Variants in RERE observed in about 807,000 individuals in gnomAD.
RERE encodes the protein arginine-glutamic acid dipeptide repeats protein.
In RERE, 40 loss-of-function variants were observed where a neutral mutation model predicts 146.1. The ratio of observed to expected loss-of-function variants is 0.27; its 90% CI spans 0.21 to 0.36. The LOEUF is 0.36. Among genes scored for constraint, RERE ranks in the 10% least tolerant of loss-of-function variants. RERE has a pLI of 1.00. For synonymous variants in RERE, 1,003 were observed against 866.0 expected (o/e 1.16, Z -2.78); for missense variants, 1,933 against 2,138.7 (o/e 0.90, Z 1.90).
At chr1:8,738,592 C>G (rs1416683823) in intron 1 of RERE, among the ~76,000 whole-genome samples, 1 of 152,132 alleles carries the variant, frequency 6.6e-6, no homozygotes, top group African/African-American at 2.4e-5. Context: ...ATCCTCTATC[C>G]CTGACACCCA....
chr1:8,503,266 TTAGTTGC>T (rs1645205960), intron 8 of RERE, among the ~76,000 whole-genome samples: 1 of 152,110 alleles, frequency 6.6e-6, no homozygotes, highest in South Asian at 2.1e-4. Flanking sequence ...AGCACTCATA[TTAGTTGC>T]TAGTGTCAAC....
chr1:8,441,376 C>T (rs1057364096), intron 11 of RERE, among the ~76,000 whole-genome samples: 11 of 152,354 alleles, frequency 7.2e-5, no homozygotes, highest in Non-Finnish European at 1.5e-4. Flanking sequence ...ATCCCCACCA[C>T]TGCCCCCCTC....
At chr1:8,405,821 TAG>T (rs953700853) in intron 12 of RERE, among the ~76,000 whole-genome samples, 1 of 152,180 alleles carries the variant, frequency 6.6e-6, no homozygotes, top group South Asian at 2.1e-4. Context: ...GTATTTTTAG[TAG>T]AGAGAGTTTC....
intron 1 of RERE, among the ~76,000 whole-genome samples, chr1:8,748,395 C>G (rs1453171557): frequency 6.6e-6 from 1 of 152,184 alleles, no homozygotes; most frequent in Non-Finnish European, 1.5e-5. Flanking sequence ...TAGTTCAGAG[C>G]TTCCCATCTC....
chr1:8,495,254 G>A, intron 9 of RERE, 92 bp from the exon 10 acceptor site: 1 of 911,084 alleles, frequency 1.1e-6, no homozygotes, highest in Non-Finnish European at 1.8e-6. Flanking sequence ...TTCCAGCCCA[G>A]AACAAATTCC....
At chr1:8,506,854 T>C (rs752450111) in intron 8 of RERE, among the ~76,000 whole-genome samples, 1 of 152,202 alleles carries the variant, frequency 6.6e-6, no homozygotes, top group Non-Finnish European at 1.5e-5. Context: ...GGATAAAATA[T>C]AGCCAATAAA....
At chr1:8,748,357 G>A (rs1640465502) in intron 1 of RERE, among the ~76,000 whole-genome samples, 1 of 152,134 alleles carries the variant, frequency 6.6e-6, no homozygotes, top group Admixed American at 6.5e-5. Flanking sequence ...GATGCCCTCT[G>A]TCATTCACTC....
intron 11 of RERE, among the ~76,000 whole-genome samples, chr1:8,444,751 A>T (rs1644295157): frequency 6.6e-6 from 1 of 152,084 alleles, no homozygotes; most frequent in Non-Finnish European, 1.5e-5. Context: ...AAAAGTGTGT[A>T]GCAGCCCCAC....
At chr1:8,752,718 G>A (rs1280711153) in intron 1 of RERE, among the ~76,000 whole-genome samples, 4 of 152,140 alleles carry the variant, frequency 2.6e-5, no homozygotes, top group African/African-American at 9.7e-5. Context: ...GTAGGAAACT[G>A]ATATGATCAA....
At chr1:8,500,650 A>G (rs1645121095) in intron 8 of RERE, among the ~76,000 whole-genome samples, 2 of 151,900 alleles carry the variant, frequency 1.3e-5, no homozygotes. Flanking sequence ...GGAAGTGAGG[A>G]GCGTCTCTGC....
At chr1:8,756,607 T>G (rs1416224650) in intron 1 of RERE, among the ~76,000 whole-genome samples, 1 of 152,232 alleles carries the variant, frequency 6.6e-6, no homozygotes, top group East Asian at 1.9e-4. Flanking sequence ...AATTCTGTCC[T>G]TTTTATTACT....
intron 1 of RERE, among the ~76,000 whole-genome samples, chr1:8,720,451 G>A (rs1422899965): frequency 2.0e-5 from 3 of 152,056 alleles, no homozygotes; most frequent in Non-Finnish European, 4.4e-5. Flanking sequence ...AAAAAGTAGA[G>A]CAAGAAGGAT....
Position 8,516,227 on chromosome 1 carries a change from G to GAAAAAAAAAAAAAAAAAAAAAAAAAAAAA in RERE, c.831-7553_831-7552insTTTTTTTTTTTTTTTTTTTTTTTTTTTTT, listed in dbSNP as rs58064164. On this transcript the variant is annotated intron_variant, in intron 7 of 22. Transcript: ENST00000400908. ...GGGACGGAGCAAGACTCTCTCAGAGGAAAAAAAAAAAAAAAAAAAAAATCT... is the reference window on the plus strand; with the variant it reads ...GGGACGGAGCAAGACTCTCTCAGAGGAAAAAAAAAAAAAAAAAAAAAAAAAAAAAAAAAAAAAAAAAAAAAAAAAAATCT... 2.5e-4 allele frequency among the ~76,000 whole-genome samples: 13 copies of GAAAAAAAAAAAAAAAAAAAAAAAAAAAAA among 52,306 alleles called. 1 individual carries two copies. Among genetic ancestry groups the GAAAAAAAAAAAAAAAAAAAAAAAAAAAAA allele is most frequent in the Admixed American group, 9.0e-4 (3 of 3,342 alleles). The allele number at this position is 52,306 out of a possible 152,430, so 34.3% of individuals were successfully genotyped here.
chr1:8,615,174 C>T (rs1020947147), intron 3 of RERE, among the ~76,000 whole-genome samples: 1 of 152,162 alleles, frequency 6.6e-6, no homozygotes, highest in African/African-American at 2.4e-5. Context: ...AAGAAAGGCC[C>T]TGCCATTTTC....
intron 11 of RERE, among the ~76,000 whole-genome samples, chr1:8,452,639 A>G (rs1644402423): frequency 6.6e-6 from 1 of 152,238 alleles, no homozygotes; most frequent in Non-Finnish European, 1.5e-5. Flanking sequence ...AACTAGAGGA[A>G]GAATTATGAG....
intron 2 of RERE, among the ~76,000 whole-genome samples, chr1:8,647,189 T>C (rs969794714): frequency 2.2e-4 from 34 of 152,212 alleles, no homozygotes; most frequent in African/African-American, 7.5e-4. Context: ...CCATTTGTTA[T>C]ACAGCCACAG....
chr1:8,403,293 A>G (rs1354376348), intron 12 of RERE, among the ~76,000 whole-genome samples: 6 of 152,136 alleles, frequency 3.9e-5, no homozygotes, highest in Non-Finnish European at 8.8e-5. Flanking sequence ...ATTTCCTATC[A>G]TAAAACTTTT....
intron 10 of RERE, among the ~76,000 whole-genome samples, chr1:8,493,579 CT>C (rs568328644): frequency 1.1e-3 from 165 of 152,284 alleles, no homozygotes; most frequent in African/African-American, 3.8e-3. Flanking sequence ...ATGGGGACTA[CT>C]TTCTTCCCTC....
intron 4 of RERE, among the ~76,000 whole-genome samples, chr1:8,569,127 T>C (rs1199172997): frequency 6.6e-6 from 1 of 152,126 alleles, no homozygotes; most frequent in Non-Finnish European, 1.5e-5. Context: ...AAATTTTCTC[T>C]TTGGTCCAAA....
Sources: gnomAD v4.1 joint callset for allele counts (sites outside exome capture counted in the v4.1 genomes callset) on GRCh38, gnomAD v4.1.1 for gene constraint, MANE v1.5 for transcripts, NCBI Gene and HGNC (gene_info 2026-07-23, HGNC 2026-07-21) for gene names.